The following SMPD3 variants were observed in gnomAD, a reference collection of about 807,000 sequenced individuals.
SMPD3 encodes sphingomyelin phosphodiesterase 3.
Under a neutral mutation model 55.7 loss-of-function variants are expected in SMPD3, and 21 were observed. The observed-to-expected ratio is 0.38, with a 90% CI of 0.27 to 0.54. The LOEUF is 0.54. Among genes scored for constraint, SMPD3 ranks in the 20% least tolerant of loss-of-function variants. The pLI, the probability that SMPD3 is intolerant of heterozygous loss-of-function variation, is 0.80. For synonymous variants in SMPD3, 457 were observed against 404.3 expected, an observed-to-expected ratio of 1.13 and a Z score of -1.56; for missense variants, 842 against 899.6, an observed-to-expected ratio of 0.94 and a Z score of 0.82.
intron 1 of SMPD3, among the ~76,000 whole-genome samples, chr16:68,419,358 T>C: frequency 6.6e-6 from 1 of 152,226 alleles, no homozygotes; most frequent in Admixed American, 6.5e-5. Flanking sequence ...GTGTCAGGTC[T>C]CTGGAACCTT....
chr16:68,405,924 C>G (rs2090251403), intron 1 of SMPD3, among the ~76,000 whole-genome samples: 1 of 152,222 alleles, frequency 6.6e-6, no homozygotes, highest in Admixed American at 6.5e-5. Flanking sequence ...TTAGTACCAG[C>G]TAACACAGGT....
Position 68,372,256 on chromosome 16 carries a change from G to A in SMPD3, c.-75C>T. On this transcript the variant is annotated 5_prime_UTR_variant, in exon 3 of 9. Coordinates refer to ENST00000219334, the MANE Select transcript of SMPD3 (RefSeq NM_018667.4). Reference sequence around the variant, plus strand: ...AGCTGCGGGCACTTTCCTGGGCGAGGGTGGGCGAGTTGGGGGCAGCTGGAG... The same window carrying A: ...AGCTGCGGGCACTTTCCTGGGCGAGAGTGGGCGAGTTGGGGGCAGCTGGAG... The A allele has an allele frequency of 1.3e-6, 2 of 1,561,182 alleles. No individual in the cohort carries two copies. The highest frequency in any genetic ancestry group is 1.7e-6 in the Non-Finnish European group (2 of 1,152,916).
chr16:68,406,768 G>A (rs1377572549), intron 1 of SMPD3, among the ~76,000 whole-genome samples: 2 of 152,196 alleles, frequency 1.3e-5, no homozygotes, highest in African/African-American at 2.4e-5. Flanking sequence ...AATGTTCCAG[G>A]CACCATTAGG....
chr16:68,374,677 C>A (rs998797882), intron 2 of SMPD3, among the ~76,000 whole-genome samples: 2 of 152,222 alleles, frequency 1.3e-5, no homozygotes, highest in Admixed American at 6.5e-5. Context: ...TGAATCAAAC[C>A]TGCAGAGGGA....
At chr16:68,361,398 C>G (rs572886873) in intron 8 of SMPD3, 91 bp from the exon 9 acceptor site, 1 of 1,425,314 alleles carries the variant, frequency 7.0e-7, no homozygotes, top group Non-Finnish European at 9.7e-7. Flanking sequence ...AGTGAGGCCC[C>G]GGGGCTGGGG....
intron 7 of SMPD3, 56 bp from the exon 8 acceptor site, chr16:68,361,815 C>G: frequency 1.9e-6 from 3 of 1,582,866 alleles, no homozygotes; most frequent in East Asian, 4.6e-5. Context: ...GTGGGCCTGG[C>G]AGGGGCTGTG....
intron 2 of SMPD3, among the ~76,000 whole-genome samples, chr16:68,378,280 A>T (rs2089868686): frequency 6.6e-6 from 1 of 152,196 alleles, no homozygotes; most frequent in Non-Finnish European, 1.5e-5. Flanking sequence ...GCTGCAGAGG[A>T]GTTGGCATGG....
intron 1 of SMPD3, among the ~76,000 whole-genome samples, chr16:68,421,662 T>A (rs2090395492): frequency 6.6e-6 from 1 of 152,240 alleles, no homozygotes; most frequent in Admixed American, 6.5e-5. Context: ...GGCTAGGGAA[T>A]GAGGCCTGAT....
In SMPD3 at chr16:68,371,592, G is replaced by T; in HGVS notation, c.590C>A (p.Ala197Asp). ...LVSPQGGDGV[A>D]RAVPGSIKRT... ...CTTAATGCTCCCGGGGACGGCCCGG[G>T]CCACCCCATCGCCGCCCTGTGGTGA... Residue 197 changes from alanine (A) to aspartate (D), a missense_variant, in exon 3 of 9, where the codon GCC (alanine) becomes GAC (aspartate). Physicochemically the swap from Ala to Asp is moderately radical, Grantham distance 126. Transcript: ENST00000219334. The T allele has an allele frequency of 6.3e-7, 1 of 1,575,540 alleles. No individual in the cohort carries two copies. The highest frequency in any genetic ancestry group is 8.6e-7 in the Non-Finnish European group (1 of 1,161,166).
chr16:68,429,222 G>T (rs557435825), intron 1 of SMPD3, among the ~76,000 whole-genome samples: 1 of 152,350 alleles, frequency 6.6e-6, no homozygotes, highest in Non-Finnish European at 1.5e-5. Context: ...TTTCTTGCTG[G>T]ATACAGTGGG....
In SMPD3 at chr16:68,371,841, T is replaced by A; in HGVS notation, c.341A>T (p.Glu114Val). 1 of 1,606,042 alleles carries A rather than the reference T, an allele frequency of 6.2e-7. No homozygotes were observed. Among genetic ancestry groups the A allele is most frequent in the Non-Finnish European group, 8.5e-7 (1 of 1,177,196 alleles). ...TTTGCCAGGCCCCGTGCCCTTCCAT[T>A]CACTGAGCAGGGCTGCCCCACCGGC... ...GLAGGAALLS[E>V]WKGTGPGKSF... The change falls in exon 3 of 9, where the codon GAA (glutamate) becomes GTA (valine). Residue 114 changes from glutamate to valine, a missense_variant. Glu to Val is a moderately radical substitution (Grantham distance 121). Around this residue, in one of 2 missense-constraint regions of SMPD3, gnomAD observed 193 missense variants for 256.0 expected, o/e 0.75. Coordinates refer to ENST00000219334, the MANE Select transcript of SMPD3 (RefSeq NM_018667.4).
At chr16:68,399,030 CA>C (rs772661265) in intron 1 of SMPD3, among the ~76,000 whole-genome samples, 1 of 152,190 alleles carries the variant, frequency 6.6e-6, no homozygotes, top group Non-Finnish European at 1.5e-5. Context: ...TCTGTTGATT[CA>C]AACATTTAAA....
intron 1 of SMPD3, among the ~76,000 whole-genome samples, chr16:68,410,130 C>T (rs758685951): frequency 1.3e-5 from 2 of 152,204 alleles, no homozygotes; most frequent in Non-Finnish European, 2.9e-5. Flanking sequence ...GTCTCCAGCT[C>T]CACCGCAAGA....
Position 68,407,180 on chromosome 16 carries a change from T to C in SMPD3, c.-268-20521A>G, listed in dbSNP as rs77534897. On this transcript the variant is annotated intron_variant, in intron 1 of 8. Coordinates refer to ENST00000219334, the MANE Select transcript of SMPD3 (RefSeq NM_018667.4). ...ATTACTGCTTAACCATAAGTGTAGCTTGGCAAGATGCATGGATTTATACAT... is the reference window on the plus strand; with the variant it reads ...ATTACTGCTTAACCATAAGTGTAGCCTGGCAAGATGCATGGATTTATACAT... Among the ~76,000 whole-genome samples the C allele has an allele frequency of 7.3e-3, 1,116 of 152,288 alleles. 11 individuals carry two copies. Among genetic ancestry groups the C allele is most frequent in the African/African-American group, 0.026 (1,066 of 41,544 alleles).
At position 68,371,765 on chromosome 16, in the gene SMPD3, G is replaced by A. The variant is rs2089677932; in HGVS notation, c.417C>T (p.Ala139=). ...ANVCLLPDSL[A]RVNNLFNTQA... Reference sequence around the variant, plus strand: ...GGGTGTTAAAAAGGTTGTTGACCCTGGCGAGTGAGTCGGGCAGGAGGCAGA... The same window carrying A: ...GGGTGTTAAAAAGGTTGTTGACCCTAGCGAGTGAGTCGGGCAGGAGGCAGA... The change falls in exon 3 of 9, where the codon GCC becomes GCT. Residue 139 remains alanine (A), a synonymous_variant. Coordinates refer to ENST00000219334, the MANE Select transcript of SMPD3 (RefSeq NM_018667.4). 11 of 1,611,530 alleles carry A rather than the reference G, an allele frequency of 6.8e-6. No individual in the cohort carries two copies. The highest frequency in any genetic ancestry group is 9.3e-6 in the Non-Finnish European group (11 of 1,179,066).
At chr16:68,415,041 G>A (rs2152020697) in intron 1 of SMPD3, among the ~76,000 whole-genome samples, 1 of 152,296 alleles carries the variant, frequency 6.6e-6, no homozygotes, top group African/African-American at 2.4e-5. Flanking sequence ...AGTCAGAGAT[G>A]CGCAGGTGAC....
At chr16:68,445,920 T>C (rs558688155) in intron 1 of SMPD3, among the ~76,000 whole-genome samples, 2 of 152,276 alleles carry the variant, frequency 1.3e-5, no homozygotes, top group African/African-American at 4.8e-5. Flanking sequence ...CACCTTGTAG[T>C]GTATGTCTGT....
chr16:68,391,790 T>C (rs2090113031), intron 1 of SMPD3, among the ~76,000 whole-genome samples: 2 of 152,256 alleles, frequency 1.3e-5, no homozygotes, highest in Admixed American at 6.5e-5. Context: ...ATTTATATGT[T>C]GAAGCCCTAA....
chr16:68,395,825 T>C (rs1243911852), intron 1 of SMPD3, among the ~76,000 whole-genome samples: 1 of 151,712 alleles, frequency 6.6e-6, no homozygotes, highest in Non-Finnish European at 1.5e-5. Context: ...TCACTTACTC[T>C]TTTTTTTAAA....
Sources: gnomAD v4.1 joint callset for allele counts (sites outside exome capture counted in the v4.1 genomes callset) on GRCh38, gnomAD v4.1.1 for gene constraint, gnomAD v4.1.1 regional missense constraint, MANE v1.5 for transcripts, NCBI Gene and HGNC (gene_info 2026-07-23, HGNC 2026-07-21) for gene names.